STK32B: variants seen among roughly 807,000 people sequenced by gnomAD.
STK32B encodes serine/threonine-protein kinase 32B.
In STK32B, 43 loss-of-function variants were observed where a neutral mutation model predicts 52.6. The observed-to-expected ratio is 0.82, with a 90% CI of 0.64 to 1.05. The LOEUF is 1.05. Ranked by LOEUF, STK32B falls within the 50% of genes least tolerant of loss-of-function variation. The probability of loss-of-function intolerance (pLI) is 0.00; values close to 1 mark genes in which losing one functional copy is unlikely to be tolerated. For missense variants in STK32B, 621 were observed against 534.6 expected (o/e 1.16, Z -1.59); for synonymous variants, 238 against 204.3 (o/e 1.17, Z -1.41).
At chr4:5,048,938 C>T (rs533490537), upstream of STK32B, among the ~76,000 whole-genome samples, 61 of 152,290 alleles carry the variant, frequency 4.0e-4, 1 homozygote, top group Admixed American at 2.5e-3. Context: ...AAGGGGTTGC[C>T]GGAGGTCCTA....
chr4:5,384,057 G>A (rs28661330), intron 4 of STK32B, among the ~76,000 whole-genome samples: 1 of 151,990 alleles, frequency 6.6e-6, no homozygotes, highest in East Asian at 1.9e-4. Context: ...GGCCTTCCAG[G>A]CCAGGTAACA....
At chr4:5,140,243 GA>G (rs759134987) in intron 2 of STK32B, 46 of 1,439,548 alleles carry the variant, frequency 3.2e-5, no homozygotes, top group South Asian at 1.6e-4. Flanking sequence ...GAGGAAAGTT[GA>G]AAAAAAACCC....
chr4:5,494,815 T>C (rs1238509600), intron 11 of STK32B, among the ~76,000 whole-genome samples: 1 of 152,230 alleles, frequency 6.6e-6, no homozygotes, highest in East Asian at 1.9e-4. Flanking sequence ...TAAAGTATTT[T>C]ATTTCTCCTT....
At chr4:5,318,102 CGT>C (rs144974089) in intron 3 of STK32B, among the ~76,000 whole-genome samples, 141 of 150,758 alleles carry the variant, frequency 9.4e-4, no homozygotes, top group Non-Finnish European at 1.3e-3. Context: ...TGCTTGTGCA[CGT>C]GTGTGTGTGT....
chr4:5,275,543 T>A (rs542949403), intron 3 of STK32B, among the ~76,000 whole-genome samples: 7 of 151,932 alleles, frequency 4.6e-5, no homozygotes, highest in Non-Finnish European at 1.0e-4. Flanking sequence ...ACCATCCCCT[T>A]GAACCTTCTG....
chr4:5,491,690 T>C (rs1235884427), intron 11 of STK32B, among the ~76,000 whole-genome samples: 1 of 152,100 alleles, frequency 6.6e-6, no homozygotes, highest in African/African-American at 2.4e-5. Context: ...TAGGTTTTCT[T>C]CTAGGGTTTT....
At chr4:5,248,324 T>C (rs1725612747) in intron 3 of STK32B, among the ~76,000 whole-genome samples, 1 of 152,232 alleles carries the variant, frequency 6.6e-6, no homozygotes, top group African/African-American at 2.4e-5. Context: ...TCAGCTTTAG[T>C]AATGCCCCAA....
intron 6 of STK32B, among the ~76,000 whole-genome samples, chr4:5,442,470 C>T (rs1021250981): frequency 6.6e-6 from 1 of 151,214 alleles, no homozygotes; most frequent in Non-Finnish European, 1.5e-5. Flanking sequence ...GATCTTCCTC[C>T]ATCCTTTTAT....
Position 5,467,700 on chromosome 4 carries a change from C to T in STK32B, c.1042-306C>T, listed in dbSNP as rs547815808. 1.4e-3 allele frequency among the ~76,000 whole-genome samples: 207 copies of T among 152,274 alleles called. 1 individual carries two copies. Among genetic ancestry groups the T allele is most frequent in the Admixed American group, 2.6e-3 (40 of 15,290 alleles). On this transcript the variant is annotated intron_variant, in intron 10 of 11. Coordinates refer to ENST00000282908, the MANE Select transcript of STK32B (RefSeq NM_018401.3). The surrounding 1 kb of genome is among the most constrained non-coding windows in gnomAD (Gnocchi z 5.8). ...TTGTGAATTTCTGGTTTTCCATGCC[C>T]CTCACGTGGGCCTTAAGTGGTCAGG... is the stretch of plus-strand genomic sequence containing the variant.
At chr4:5,381,520 G>C (rs1247609361) in intron 4 of STK32B, among the ~76,000 whole-genome samples, 1 of 152,230 alleles carries the variant, frequency 6.6e-6, no homozygotes, top group Non-Finnish European at 1.5e-5. Context: ...TGCCCGTGCA[G>C]TAGCCAGTTC....
At chr4:5,231,821 T>C (rs1470058500) in intron 3 of STK32B, among the ~76,000 whole-genome samples, 1 of 152,086 alleles carries the variant, frequency 6.6e-6, no homozygotes, top group South Asian at 2.1e-4. Flanking sequence ...GAGAAAGAGA[T>C]CAATAGCCCA....
intron 3 of STK32B, among the ~76,000 whole-genome samples, chr4:5,229,344 C>G (rs1289480445): frequency 1.3e-5 from 2 of 152,066 alleles, no homozygotes; most frequent in African/African-American, 4.8e-5. Flanking sequence ...AAGCCCAGAC[C>G]TCACCACTAC....
At chr4:5,074,292 T>C (rs1711955331) in intron 1 of STK32B, among the ~76,000 whole-genome samples, 1 of 152,050 alleles carries the variant, frequency 6.6e-6, no homozygotes, top group Non-Finnish European at 1.5e-5. Flanking sequence ...AGATCCCTTC[T>C]GTATTGTCCA....
intron 7 of STK32B, among the ~76,000 whole-genome samples, chr4:5,451,023 G>A (rs1715942868): frequency 6.6e-6 from 1 of 152,148 alleles, no homozygotes. Context: ...TCTGAGCCCT[G>A]GCTTCCTCAT....
rs936749444 is a variant in STK32B at position 5,398,130 on chromosome 4, C to T, written c.435-77C>T. On this transcript the variant is annotated intron_variant, in intron 4 of 11. Coordinates refer to ENST00000282908, the MANE Select transcript of STK32B (RefSeq NM_018401.3). This position sits in a 1 kb window ranked among gnomAD's most constrained non-coding sequence, Gnocchi z 4.9. ...GCAGCCTGGGTGTTCCAGCATTTGT[C>T]CTGATGTGGTGCTTGTCTATGTGCT... The T allele has an allele frequency of 6.4e-7, 1 of 1,551,616 alleles. No individual in the cohort carries two copies. The highest frequency in any genetic ancestry group is 8.8e-7 in the Non-Finnish European group (1 of 1,132,710).
intron 3 of STK32B, among the ~76,000 whole-genome samples, chr4:5,268,533 GGTGTGGTGTGTGTGTGT>G (rs1431985827): frequency 7.3e-6 from 1 of 136,842 alleles, no homozygotes; most frequent in African/African-American, 2.8e-5. Context: ...GAAGTTGCTT[GGTGTGGTGTGTGTGTGT>G]GTGTGTGTGT....
chr4:5,218,016 G>A (rs111611137), intron 3 of STK32B, among the ~76,000 whole-genome samples: 7 of 149,952 alleles, frequency 4.7e-5, no homozygotes, highest in Non-Finnish European at 8.9e-5. Flanking sequence ...TATTACTCTT[G>A]GTATTTTTTT....
Position 5,205,703 on chromosome 4 carries a change from CGTGTGTGTGT to C in STK32B, c.260+37273_260+37282del, listed in dbSNP as rs71169688. Reference sequence around the variant, plus strand: ...GACAGTTCTAGACCAGGCGCGCGCGCGTGTGTGTGTGTGTGTGTGTGTGTGTGTGCATTTA... The same window carrying C: ...GACAGTTCTAGACCAGGCGCGCGCGCGTGTGTGTGTGTGTGTGTGCATTTA... On this transcript the variant is annotated intron_variant, in intron 3 of 11. Transcript: ENST00000282908. Among the ~76,000 whole-genome samples the C allele has an allele frequency of 2.6e-4, 36 of 141,030 alleles. 1 individual carries two copies. The highest frequency in any genetic ancestry group is 1.7e-3 in the East Asian group (8 of 4,616). 92.5% of individuals were successfully genotyped at this position (141,030 alleles called of 152,430 possible). A position where few individuals can be genotyped will look rare whatever the true frequency, so the allele number is the denominator to read the frequency against.
chr4:5,269,077 C>A (rs943564067), intron 3 of STK32B, among the ~76,000 whole-genome samples: 3 of 152,002 alleles, frequency 2.0e-5, no homozygotes, highest in African/African-American at 7.3e-5. Context: ...CTGGAAAGAC[C>A]AAGGCAGCTA....
Sources: gnomAD v4.1 joint callset for allele counts (sites outside exome capture counted in the v4.1 genomes callset) on GRCh38, gnomAD v4.1.1 for gene constraint, Gnocchi (gnomAD v3.1) non-coding constraint, MANE v1.5 for transcripts, NCBI Gene and HGNC (gene_info 2026-07-23, HGNC 2026-07-21) for gene names.